EPHB1: variants seen among roughly 807,000 people sequenced by gnomAD.
EPHB1 encodes the protein ephrin type-B receptor 1.
Under a neutral mutation model 94.4 loss-of-function variants are expected in EPHB1, and 30 were observed. The ratio of observed to expected loss-of-function variants is 0.32; its 90% confidence interval spans 0.24 to 0.43. The LOEUF (loss-of-function observed/expected upper bound fraction) is 0.43. Ranked by LOEUF, EPHB1 falls within the 20% of genes least tolerant of loss-of-function variation. The pLI, the probability that EPHB1 is intolerant of heterozygous loss-of-function variation, is 1.00. For synonymous variants in EPHB1, 522 were observed against 489.1 expected, an observed-to-expected ratio of 1.07 and a Z score of -0.89; for missense variants, 1,055 against 1,308.3, an observed-to-expected ratio of 0.81 and a Z score of 2.99.
intron 3 of EPHB1, among the ~76,000 whole-genome samples, chr3:135,052,696 C>G (rs1382303600): frequency 6.7e-6 from 1 of 149,798 alleles, no homozygotes; most frequent in Non-Finnish European, 1.5e-5. Context: ...CCCATCTGTA[C>G]TAAAAATACA....
chr3:135,096,556 G>T (rs907450683), intron 3 of EPHB1, among the ~76,000 whole-genome samples: 2 of 152,182 alleles, frequency 1.3e-5, no homozygotes, highest in Non-Finnish European at 2.9e-5. Context: ...CAAACACTGG[G>T]TGGCTTAAAC....
At chr3:134,856,301 C>A (rs1445339227) in intron 1 of EPHB1, among the ~76,000 whole-genome samples, 2 of 152,108 alleles carry the variant, frequency 1.3e-5, no homozygotes, top group Non-Finnish European at 2.9e-5. Flanking sequence ...TGTATAGGCA[C>A]CCCATGGCCC....
At chr3:134,881,808 A>T (rs2037736063) in intron 1 of EPHB1, among the ~76,000 whole-genome samples, 1 of 152,190 alleles carries the variant, frequency 6.6e-6, no homozygotes, top group African/African-American at 2.4e-5. Context: ...TGACTTTTTA[A>T]AAAGAACTTG....
intron 1 of EPHB1, among the ~76,000 whole-genome samples, chr3:134,903,309 C>T (rs981873519): frequency 3.9e-5 from 6 of 152,118 alleles, no homozygotes; most frequent in African/African-American, 1.4e-4. Context: ...TTCCAGGCAT[C>T]CCCTGAAGCT....
At chr3:135,103,750 A>C (rs1324261725) in intron 3 of EPHB1, among the ~76,000 whole-genome samples, 1 of 152,116 alleles carries the variant, frequency 6.6e-6, no homozygotes, top group Non-Finnish European at 1.5e-5. Flanking sequence ...GAATGGAATC[A>C]GACCCCCTCC....
At chr3:134,812,040 A>G (rs1320022347) in intron 1 of EPHB1, among the ~76,000 whole-genome samples, 1 of 152,244 alleles carries the variant, frequency 6.6e-6, no homozygotes, top group African/African-American at 2.4e-5. Flanking sequence ...ACGGACGGCT[A>G]TGCCAGTGCC....
chr3:135,259,178 A>G lies in EPHB1; in HGVS notation c.*58A>G. The G allele has an allele frequency of 7.4e-7, 1 of 1,345,916 alleles. No homozygotes were observed. The highest frequency in any genetic ancestry group is 1.0e-6 in the Non-Finnish European group (1 of 958,260). 83.4% of individuals were successfully genotyped at this position (1,345,916 alleles called of 1,614,324 possible). A position where few individuals can be genotyped will look rare whatever the true frequency, so the allele number is the denominator to read the frequency against. ...AAAAGGACCAGGGTCAAGGGGGACC[A>G]GAGGTTGACCACTGTGGAATGTACT... On this transcript the variant is annotated 3_prime_UTR_variant, in exon 16 of 16. Coordinates refer to ENST00000398015, the MANE Select transcript of EPHB1 (RefSeq NM_004441.5).
intron 3 of EPHB1, among the ~76,000 whole-genome samples, chr3:135,066,899 C>G (rs1464052935): frequency 6.6e-6 from 1 of 152,212 alleles, no homozygotes; most frequent in Non-Finnish European, 1.5e-5. Flanking sequence ...ATGTAGTACT[C>G]TCCCCCTTTT....
chr3:134,859,320 A>G (rs2037193393), intron 1 of EPHB1, among the ~76,000 whole-genome samples: 1 of 152,214 alleles, frequency 6.6e-6, no homozygotes, highest in Non-Finnish European at 1.5e-5. Flanking sequence ...GGAGTTAATC[A>G]GGAGGATTAA....
At chr3:135,191,787 CA>C (rs921454019) in intron 10 of EPHB1, among the ~76,000 whole-genome samples, 1 of 152,156 alleles carries the variant, frequency 6.6e-6, no homozygotes, top group African/African-American at 2.4e-5. Context: ...ATTCAGCTGC[CA>C]AAAGTGCAGT....
intron 2 of EPHB1, among the ~76,000 whole-genome samples, chr3:134,945,935 C>T (rs994619337): frequency 5.9e-5 from 9 of 152,272 alleles, no homozygotes; most frequent in African/African-American, 1.7e-4. Context: ...GGTAAAATTC[C>T]CCCTTTTTTA....
chr3:135,258,963 A>G (rs778678756), intron 15 of EPHB1, 49 bp from the exon 16 acceptor site: 2 of 1,437,264 alleles, frequency 1.4e-6, no homozygotes, highest in Non-Finnish European at 1.9e-6. Context: ...GATCTGCGAA[A>G]AGCTAACCTA....
chr3:135,212,922 AT>A (rs1397269962), intron 12 of EPHB1, among the ~76,000 whole-genome samples: 1 of 152,232 alleles, frequency 6.6e-6, no homozygotes, highest in Non-Finnish European at 1.5e-5. Context: ...CATTCAGCTT[AT>A]CCCCCTAATC....
intron 3 of EPHB1, among the ~76,000 whole-genome samples, chr3:134,984,825 G>T (rs4955533): frequency 0.043 from 6,557 of 152,286 alleles, 251 homozygotes; most frequent in South Asian, 0.12. Context: ...AGCGAACTGA[G>T]TGCGGGGGCT....
chr3:135,162,123 A>G lies in EPHB1; in HGVS notation c.1528A>G (p.Thr510Ala). 1 of 1,612,448 alleles carries G rather than the reference A, an allele frequency of 6.2e-7. No homozygotes were observed. The highest frequency in any genetic ancestry group is 8.5e-7 in the Non-Finnish European group (1 of 1,179,086). Residue 510 changes from threonine to alanine, a missense_variant, in exon 7 of 16, where the codon ACT becomes GCT. Physicochemically the swap from Thr to Ala is moderately conservative, Grantham distance 58. Transcript: ENST00000398015. ...MVYVVQVRAR[T>A]VAGYGKFSGK... Reference sequence around the variant, plus strand: ...ATATGTGGTACAGGTGCGTGCCCGCACTGTTGCTGGCTACGGCAAGTTCAG... The same window carrying G: ...ATATGTGGTACAGGTGCGTGCCCGCGCTGTTGCTGGCTACGGCAAGTTCAG...
chr3:134,950,960 GGT>G (rs1377024669), intron 2 of EPHB1, among the ~76,000 whole-genome samples: 1 of 152,194 alleles, frequency 6.6e-6, no homozygotes, highest in Non-Finnish European at 1.5e-5. Context: ...GGATTTCCAA[GGT>G]GTGGATGTCA....
At chr3:134,873,066 A>G (rs1400527574) in intron 1 of EPHB1, among the ~76,000 whole-genome samples, 6 of 152,198 alleles carry the variant, frequency 3.9e-5, no homozygotes. Flanking sequence ...GAAATTTTCT[A>G]TCTCAGCATA....
intron 1 of EPHB1, among the ~76,000 whole-genome samples, chr3:134,925,030 A>C (rs1162000661): frequency 6.6e-6 from 1 of 152,230 alleles, no homozygotes; most frequent in East Asian, 1.9e-4. Context: ...ATATATCAAA[A>C]TGTATCAAAT....
At chr3:135,001,828 G>C (rs1935193510) in intron 3 of EPHB1, among the ~76,000 whole-genome samples, 1 of 152,102 alleles carries the variant, frequency 6.6e-6, no homozygotes, top group African/African-American at 2.4e-5. Flanking sequence ...GAGTTGCATA[G>C]TATCCTCATG....
Sources: gnomAD v4.1 joint callset for allele counts (sites outside exome capture counted in the v4.1 genomes callset) on GRCh38, gnomAD v4.1.1 for gene constraint, MANE v1.5 for transcripts, NCBI Gene and HGNC (gene_info 2026-07-23, HGNC 2026-07-21) for gene names.